The following DPH6 variants were observed in gnomAD, a reference collection of about 807,000 sequenced individuals.
DPH6 encodes diphthine--ammonia ligase.
In DPH6, 33 loss-of-function variants were observed where a neutral mutation model predicts 38.2. That is an observed-to-expected ratio of 0.86 (90% CI 0.65 to 1.15). The LOEUF (loss-of-function observed/expected upper bound fraction) is 1.15. Ranked by LOEUF, DPH6 falls within the 50% of genes most tolerant of loss-of-function variation. The pLI is 0.00. For missense variants in DPH6, 325 were observed against 320.0 expected, an observed-to-expected ratio of 1.02 and a Z score of -0.12; for synonymous variants, 108 against 103.0, an observed-to-expected ratio of 1.05 and a Z score of -0.30.
chr15:35,323,614 C>T (rs1336705852), intron 3 of DPH6, among the ~76,000 whole-genome samples: 2 of 152,090 alleles, frequency 1.3e-5, no homozygotes, highest in African/African-American at 4.8e-5. Flanking sequence ...TCACTTTATG[C>T]TGGATCATTT....
At chr15:35,242,939 A>G (rs1771555387) in intron 3 of DPH6, among the ~76,000 whole-genome samples, 1 of 141,770 alleles carries the variant, frequency 7.1e-6, no homozygotes, top group African/African-American at 2.6e-5. Context: ...TGTTTTTCCA[A>G]GCCGTCACAG....
intron 3 of DPH6, among the ~76,000 whole-genome samples, chr15:35,501,198 C>T (rs1018936296): frequency 6.6e-5 from 10 of 152,114 alleles, no homozygotes; most frequent in Admixed American, 5.9e-4. Flanking sequence ...TAATGACAAT[C>T]AGTAATAATA....
chr15:35,395,594 T>C (rs1438373989), intron 6 of DPH6, among the ~76,000 whole-genome samples: 1 of 152,180 alleles, frequency 6.6e-6, no homozygotes, highest in African/African-American at 2.4e-5. Flanking sequence ...TTCATTCATA[T>C]TGATTCACTT....
the DPH6 span, among the ~76,000 whole-genome samples, chr15:35,175,243 C>T: frequency 6.6e-6 from 1 of 152,162 alleles, no homozygotes; most frequent in Non-Finnish European, 1.5e-5. Context: ...GTCGATAAGG[C>T]CATAACACTC....
chr15:35,447,247 C>A (rs1595569948), intron 5 of DPH6, among the ~76,000 whole-genome samples: 1 of 152,112 alleles, frequency 6.6e-6, no homozygotes, highest in East Asian at 1.9e-4. Context: ...AGGTGAGCAT[C>A]AAATTTGAGA....
chr15:35,448,487 T>C (rs1477819170), intron 5 of DPH6, among the ~76,000 whole-genome samples: 1 of 152,160 alleles, frequency 6.6e-6, no homozygotes, highest in East Asian at 1.9e-4. Flanking sequence ...AGTCATTAGA[T>C]ATACACATAC....
intron 3 of DPH6, among the ~76,000 whole-genome samples, chr15:35,475,920 C>A (rs2054258711): frequency 6.6e-6 from 1 of 151,734 alleles, no homozygotes; most frequent in African/African-American, 2.4e-5. Context: ...AGAAAAGATA[C>A]ATGAATAGAG....
At chr15:35,490,766 C>T (rs1357138808) in intron 3 of DPH6, among the ~76,000 whole-genome samples, 2 of 152,114 alleles carry the variant, frequency 1.3e-5, no homozygotes, top group Non-Finnish European at 2.9e-5. Flanking sequence ...ACACATTGTG[C>T]CATCTCAGCT....
At chr15:35,308,296 A>G (rs1406715577) in intron 3 of DPH6, among the ~76,000 whole-genome samples, 1 of 152,170 alleles carries the variant, frequency 6.6e-6, no homozygotes, top group African/African-American at 2.4e-5. Flanking sequence ...ATTTACCACA[A>G]AAAAGTATGT....
intron 3 of DPH6, among the ~76,000 whole-genome samples, chr15:35,256,902 C>T (rs1261840911): frequency 6.6e-6 from 1 of 152,126 alleles, no homozygotes; most frequent in East Asian, 1.9e-4. Flanking sequence ...TTGACTTTAT[C>T]ATTTCTGAAT....
At chr15:35,355,003 T>A (rs1030304618) in intron 3 of DPH6, among the ~76,000 whole-genome samples, 2 of 152,182 alleles carry the variant, frequency 1.3e-5, no homozygotes, top group East Asian at 3.8e-4. Context: ...GGATAGTTAG[T>A]TCTTCTTGTT....
At chr15:35,475,536 A>G (rs2054253741) in intron 3 of DPH6, among the ~76,000 whole-genome samples, 1 of 151,998 alleles carries the variant, frequency 6.6e-6, no homozygotes, top group South Asian at 2.1e-4. Flanking sequence ...CTATTGTGGA[A>G]ACATTGGTTA....
chr15:35,530,595 G>A (rs898223344), intron 3 of DPH6, among the ~76,000 whole-genome samples: 6 of 152,150 alleles, frequency 3.9e-5, no homozygotes, highest in African/African-American at 1.4e-4. Context: ...CACAATCACT[G>A]ATACCAAGTG....
At chr15:35,161,405 C>T in the DPH6 span, among the ~76,000 whole-genome samples, 3 of 151,928 alleles carry the variant, frequency 2.0e-5, no homozygotes, top group South Asian at 4.1e-4. Flanking sequence ...GAGCTCCACA[C>T]TCCTGTAGTT....
chr15:35,245,680 A>C (rs2051633394), intron 3 of DPH6, among the ~76,000 whole-genome samples: 1 of 152,222 alleles, frequency 6.6e-6, no homozygotes, highest in African/African-American at 2.4e-5. Context: ...CTGACGTATC[A>C]CTTCAATGAA....
At chr15:35,240,116 A>T (rs1469474535) in intron 3 of DPH6, among the ~76,000 whole-genome samples, 1 of 141,698 alleles carries the variant, frequency 7.1e-6, no homozygotes, top group Non-Finnish European at 1.5e-5. Flanking sequence ...TCTTCAACTC[A>T]CACCTGACCT....
the DPH6 span, among the ~76,000 whole-genome samples, chr15:35,152,986 G>C: frequency 6.6e-6 from 1 of 152,152 alleles, no homozygotes; most frequent in South Asian, 2.1e-4. Context: ...ATGATACAGG[G>C]GTTGGCAAAC....
chr15:35,405,836 T>C (rs1165983081), intron 6 of DPH6, among the ~76,000 whole-genome samples: 2 of 152,094 alleles, frequency 1.3e-5, no homozygotes, highest in African/African-American at 4.8e-5. Context: ...TGTGGATCTG[T>C]CATATAAGGC....
chr15:35,474,659 C>T (rs1000802769), intron 3 of DPH6, among the ~76,000 whole-genome samples: 2 of 151,932 alleles, frequency 1.3e-5, no homozygotes, highest in South Asian at 2.1e-4. Context: ...TTAAACACTA[C>T]GTAAATGTAA....
Sources: gnomAD v4.1 joint callset for allele counts (sites outside exome capture counted in the v4.1 genomes callset) on GRCh38, gnomAD v4.1.1 for gene constraint, MANE v1.5 for transcripts, NCBI Gene and HGNC (gene_info 2026-07-23, HGNC 2026-07-21) for gene names.